MAP3K1: variants seen among roughly 807,000 people sequenced by gnomAD.
The protein encoded by MAP3K1 is mitogen-activated protein kinase kinase kinase 1.
Under a neutral mutation model 144.2 loss-of-function variants are expected in MAP3K1, and 36 were observed. That is an observed-to-expected ratio of 0.25 (90% CI 0.19 to 0.33). The LOEUF (loss-of-function observed/expected upper bound fraction) is 0.33. Ranked by LOEUF, MAP3K1 falls within the 10% of genes least tolerant of loss-of-function variation. The probability of loss-of-function intolerance (pLI) is 1.00; values close to 1 mark genes in which losing one functional copy is unlikely to be tolerated. For synonymous variants in MAP3K1, 718 were observed against 688.7 expected (o/e 1.04, Z -0.67); for missense variants, 1,650 against 1,881.9 (o/e 0.88, Z 2.28).
chr5:56,856,134 A>G (rs1335270916), intron 1 of MAP3K1, among the ~76,000 whole-genome samples: 1 of 152,162 alleles, frequency 6.6e-6, no homozygotes, highest in Non-Finnish European at 1.5e-5. Context: ...GCTATGAAAA[A>G]TTGTTTTGGG....
At chr5:56,825,520 C>G (rs1403355666) in intron 1 of MAP3K1, among the ~76,000 whole-genome samples, 1 of 152,196 alleles carries the variant, frequency 6.6e-6, no homozygotes, top group Non-Finnish European at 1.5e-5. Context: ...AGGAGGGACC[C>G]CTCTGCCAGG....
chr5:56,869,345 G>A (rs961861647), intron 6 of MAP3K1, among the ~76,000 whole-genome samples: 2 of 152,070 alleles, frequency 1.3e-5, no homozygotes, highest in Admixed American at 6.6e-5. Flanking sequence ...TGGGTATAGG[G>A]TTTCAGTTTT....
At chr5:56,892,518 C>T (rs1266142508) in intron 19 of MAP3K1, among the ~76,000 whole-genome samples, 1 of 151,986 alleles carries the variant, frequency 6.6e-6, no homozygotes, top group African/African-American at 2.4e-5. Context: ...ACAGCAGCAA[C>T]AAGAGAATTC....
intron 4 of MAP3K1, 94 bp from the exon 5 acceptor site, chr5:56,865,246 A>G (rs765079670): frequency 1.3e-5 from 10 of 796,098 alleles, no homozygotes; most frequent in South Asian, 3.0e-5. Context: ...AAACTTTAGT[A>G]TAAAAAGTTG....
intron 1 of MAP3K1, among the ~76,000 whole-genome samples, chr5:56,816,904 G>C (rs959615352): frequency 1.3e-5 from 2 of 152,234 alleles, no homozygotes; most frequent in Admixed American, 6.5e-5. Flanking sequence ...AGTGGTGTAA[G>C]AGCCAGGACC....
chr5:56,854,555 T>A (rs1747279181), intron 1 of MAP3K1, among the ~76,000 whole-genome samples: 1 of 152,014 alleles, frequency 6.6e-6, no homozygotes, highest in Non-Finnish European at 1.5e-5. Context: ...GCTACTAGAA[T>A]GCTCATCCCT....
intron 7 of MAP3K1, 141 bp from the exon 8 acceptor site, chr5:56,872,498 GTT>G: frequency 1.5e-6 from 1 of 655,192 alleles, no homozygotes; most frequent in Non-Finnish European, 2.7e-6. Context: ...AACCTGCTGT[GTT>G]TACTTGCTTT....
At chr5:56,830,372 G>GT (rs1274382467) in intron 1 of MAP3K1, among the ~76,000 whole-genome samples, 1 of 152,060 alleles carries the variant, frequency 6.6e-6, no homozygotes, top group Non-Finnish European at 1.5e-5. Flanking sequence ...TTCCGTCTCT[G>GT]TTTCTTGTTT....
At chr5:56,818,439 G>T (rs1362225788) in intron 1 of MAP3K1, among the ~76,000 whole-genome samples, 2 of 151,898 alleles carry the variant, frequency 1.3e-5, no homozygotes, top group Non-Finnish European at 2.9e-5. Context: ...AGAGTTCTGT[G>T]ATCTTTTTTT....
intron 1 of MAP3K1, among the ~76,000 whole-genome samples, chr5:56,836,689 T>G (rs1324052870): frequency 1.3e-5 from 2 of 152,294 alleles, no homozygotes; most frequent in Middle Eastern, 3.4e-3. Context: ...TGTCATATTA[T>G]GATGGCAGAG....
At position 56,894,606 on chromosome 5, in the gene MAP3K1, A is replaced by AT. The variant is rs1748648941; in HGVS notation, c.*932dup. ...CAAGATTACCTTAAAATTTATTTGA[A>AT]TTTTTTAGATGTTTTGGTTGTCAAA... On this transcript the variant is annotated 3_prime_UTR_variant, in exon 20 of 20. Coordinates refer to ENST00000399503, the MANE Select transcript of MAP3K1 (RefSeq NM_005921.2). 4.3e-6 allele frequency: 1 copy of AT among 232,436 alleles called. No individual in the cohort carries two copies. Among genetic ancestry groups the AT allele is most frequent in the South Asian group, 1.8e-4 (1 of 5,514 alleles). The allele number at this position is 232,436 out of a possible 1,614,324, so 14.4% of individuals were successfully genotyped here. A position where few individuals can be genotyped will look rare whatever the true frequency, so the allele number is the denominator to read the frequency against.
Position 56,893,683 on chromosome 5 carries a change from A to G in MAP3K1, c.*3A>G, listed in dbSNP as rs751324883. ...CAGTCTTTCGTACTACATGGTAGCC[A>G]ATTATGCAGATCAACTACAGTAGAA... On this transcript the variant is annotated 3_prime_UTR_variant, in exon 20 of 20. Transcript: ENST00000399503. 109 of 1,613,658 alleles carry G rather than the reference A, an allele frequency of 6.8e-5. No individual in the cohort carries two copies. In the South Asian group the frequency reaches 1.1e-3, roughly 16 times the overall value.
chr5:56,873,118 A>G, intron 9 of MAP3K1, 113 bp downstream of exon 9: 1 of 945,900 alleles, frequency 1.1e-6, no homozygotes, highest in Non-Finnish European at 1.6e-6. Flanking sequence ...ACTTGCCTCC[A>G]TCATGACCTT....
At chr5:56,839,440 A>T (rs965262615) in intron 1 of MAP3K1, among the ~76,000 whole-genome samples, 4 of 152,352 alleles carry the variant, frequency 2.6e-5, no homozygotes, top group African/African-American at 9.6e-5. Flanking sequence ...GGTATAATCC[A>T]TGAGGGGTGA....
chr5:56,869,914 A>T (rs1157361885), intron 6 of MAP3K1, among the ~76,000 whole-genome samples: 3 of 152,144 alleles, frequency 2.0e-5, no homozygotes, highest in Non-Finnish European at 4.4e-5. Flanking sequence ...AGGAAAAGAG[A>T]TGGGCAGGTA....
chr5:56,861,760 AAGAT>A (rs1451379916), intron 3 of MAP3K1, among the ~76,000 whole-genome samples: 7 of 152,130 alleles, frequency 4.6e-5, no homozygotes, highest in South Asian at 2.1e-4. Context: ...AATTTGCAAA[AAGAT>A]AGGTGGTAAA....
Position 56,816,040 on chromosome 5 carries a change from C to T in MAP3K1, c.467C>T (p.Ala156Val), listed in dbSNP as rs951612149. The T allele has an allele frequency of 1.5e-5, 18 of 1,218,248 alleles. No homozygotes were observed. In the South Asian group the frequency reaches 4.9e-4, roughly 33 times the overall value. The allele number at this position is 1,218,248 out of a possible 1,614,324, so 75.5% of individuals were successfully genotyped here. A position where few individuals can be genotyped will look rare whatever the true frequency, so the allele number is the denominator to read the frequency against. The change falls in exon 1 of 20, where the codon GCA (alanine) becomes GTA (valine). Residue 156 changes from alanine to valine, a missense_variant. By Grantham distance (64) the Ala-to-Val change is moderately conservative (BLOSUM62 0). Transcript: ENST00000399503. Reference protein sequence around the residue: ...KRAPAAEPSPAAAPAGREMEN... With the variant: ...KRAPAAEPSPVAAPAGREMEN... ...GCGCCCGCCGCCGAGCCGTCTCCTGCAGCGGCCCCCGCCGGGTGAGCAGCA... is the reference window on the plus strand; with the variant it reads ...GCGCCCGCCGCCGAGCCGTCTCCTGTAGCGGCCCCCGCCGGGTGAGCAGCA...
chr5:56,861,433 G>A (rs370384238), intron 3 of MAP3K1, among the ~76,000 whole-genome samples: 4 of 151,794 alleles, frequency 2.6e-5, no homozygotes, highest in Non-Finnish European at 5.9e-5. Context: ...TTAGCCAGGC[G>A]TGGTGGCAGG....
At chr5:56,873,027 A>G in intron 9 of MAP3K1, 22 bp downstream of exon 9, 3 of 1,601,670 alleles carry the variant, frequency 1.9e-6, no homozygotes, top group Non-Finnish European at 2.6e-6. Context: ...TTTGTTTTTC[A>G]TTTCTCAAAG....
Sources: allele counts gnomAD v4.1 joint callset (sites outside exome capture counted in the v4.1 genomes callset), GRCh38; gene constraint gnomAD v4.1.1; transcripts MANE v1.5; gene names NCBI Gene and HGNC (gene_info 2026-07-23, HGNC 2026-07-21).